The following SLC6A11 variants were observed in gnomAD, a reference collection of about 807,000 sequenced individuals.
The protein encoded by SLC6A11 is solute carrier family 6 member 11.
Under a neutral mutation model 74.8 loss-of-function variants are expected in SLC6A11, and 25 were observed. That is an observed-to-expected ratio of 0.33 (90% CI 0.24 to 0.47). The LOEUF (loss-of-function observed/expected upper bound fraction) is 0.47. Among genes scored for constraint, SLC6A11 ranks in the 20% least tolerant of loss-of-function variants. The pLI, the probability that SLC6A11 is intolerant of heterozygous loss-of-function variation, is 1.00. For missense variants in SLC6A11, 574 were observed against 837.0 expected (o/e 0.69, Z 3.88); for synonymous variants, 330 against 330.2 (o/e 1.00, Z 0.01).
intron 11 of SLC6A11, chr3:10,933,833 G>A: frequency 2.6e-6 from 1 of 384,332 alleles, no homozygotes; most frequent in East Asian, 4.5e-5. Flanking sequence ...ATCATTTCCT[G>A]GGCCTGAGGC....
chr3:10,819,388 A>G (rs1030613754), intron 1 of SLC6A11, 77 bp from the exon 2 acceptor site: 22 of 1,397,144 alleles, frequency 1.6e-5, no homozygotes, highest in Admixed American at 4.3e-5. Context: ...CCTGTAGTAG[A>G]TGTTTATTAA....
At chr3:10,909,346 C>T (rs963723722) in intron 6 of SLC6A11, among the ~76,000 whole-genome samples, 2 of 151,886 alleles carry the variant, frequency 1.3e-5, no homozygotes, top group South Asian at 2.1e-4. Flanking sequence ...TCCATTTCAG[C>T]GTTGATGTGC....
intron 4 of SLC6A11, among the ~76,000 whole-genome samples, chr3:10,837,958 G>A (rs542163331): frequency 6.6e-6 from 1 of 152,358 alleles, no homozygotes; most frequent in East Asian, 1.9e-4. Context: ...TTGGTGATGG[G>A]CCTTTTTTGG....
In SLC6A11 at chr3:10,938,307, G is replaced by T. The variant is rs759607989; in HGVS notation, c.1804G>T (p.Val602Leu). The T allele has an allele frequency of 1.1e-5, 18 of 1,613,010 alleles. No individual in the cohort carries two copies. The highest frequency in any genetic ancestry group is 2.2e-5 in the South Asian group (2 of 90,896). Residue 602 changes from valine (V) to leucine (L), a missense_variant, in exon 14 of 14, where the codon GTG (valine) becomes TTG (leucine). Val to Leu is a conservative substitution (Grantham distance 32, BLOSUM62 1). Coordinates refer to ENST00000254488, the MANE Select transcript of SLC6A11 (RefSeq NM_014229.3). Reference sequence around the variant, plus strand: ...TCTGAAAATGCGGGGCAAGCTTGGGGTGAGCCCACGGATGGTGACAGTTAA... The same window carrying T: ...TCTGAAAATGCGGGGCAAGCTTGGGTTGAGCCCACGGATGGTGACAGTTAA... ...TDLKMRGKLG[V>L]SPRMVTVNDC...
intron 7 of SLC6A11, among the ~76,000 whole-genome samples, chr3:10,917,379 C>T (rs1267275497): frequency 6.6e-6 from 1 of 152,206 alleles, no homozygotes; most frequent in Non-Finnish European, 1.5e-5. Flanking sequence ...GTCAGCCGGC[C>T]ACCCGCAGGG....
At chr3:10,872,592 C>T (rs1001037291) in intron 5 of SLC6A11, among the ~76,000 whole-genome samples, 1 of 152,186 alleles carries the variant, frequency 6.6e-6, no homozygotes, top group African/African-American at 2.4e-5. Context: ...AACTGGAAGT[C>T]GCTTGAAGCA....
At chr3:10,863,490 G>C (rs752059250) in intron 5 of SLC6A11, among the ~76,000 whole-genome samples, 3 of 152,208 alleles carry the variant, frequency 2.0e-5, no homozygotes, top group Non-Finnish European at 4.4e-5. Flanking sequence ...CCAAAAGTCA[G>C]CCACATGCAC....
intron 6 of SLC6A11, among the ~76,000 whole-genome samples, chr3:10,891,689 A>G (rs1695109270): frequency 6.6e-6 from 1 of 152,212 alleles, no homozygotes; most frequent in African/African-American, 2.4e-5. Flanking sequence ...TGGCTCACCC[A>G]AGGCCACAGC....
chr3:10,921,633 A>G (rs1183365944), intron 8 of SLC6A11, among the ~76,000 whole-genome samples: 1 of 152,166 alleles, frequency 6.6e-6, no homozygotes, highest in African/African-American at 2.4e-5. Flanking sequence ...CTTAAATCCA[A>G]CCATATTCTT....
chr3:10,822,284 G>A (rs1030011523), intron 3 of SLC6A11, among the ~76,000 whole-genome samples: 2 of 152,228 alleles, frequency 1.3e-5, no homozygotes, highest in Non-Finnish European at 2.9e-5. Context: ...TGAGGTGAAT[G>A]GATACAGGAG....
At position 10,816,309 on chromosome 3, in the gene SLC6A11, C is replaced by T; in HGVS notation, c.44C>T (p.Ala15Val). 1.4e-6 allele frequency: 2 copies of T among 1,407,976 alleles called. No individual in the cohort carries two copies. The highest frequency in any genetic ancestry group is 6.9e-5 in the Admixed American group (2 of 29,120). The allele number at this position is 1,407,976 out of a possible 1,614,324, so 87.2% of individuals were successfully genotyped here. The change falls in exon 1 of 14, where the codon GCT becomes GTT. Residue 15 changes from alanine to valine, a missense_variant. By Grantham distance (64) the Ala-to-Val change is moderately conservative. Coordinates refer to ENST00000254488, the MANE Select transcript of SLC6A11 (RefSeq NM_014229.3). The surrounding 1 kb of genome is among the most constrained non-coding windows in gnomAD (Gnocchi z 4.2). ...CTGCCCCTGGGCAATGGGAAGGCTGCTGAGGAGGCGCGGGAGTCCGAGGCG... is the reference window on the plus strand; with the variant it reads ...CTGCCCCTGGGCAATGGGAAGGCTGTTGAGGAGGCGCGGGAGTCCGAGGCG... The part of the protein sequence containing the change: ...KALPLGNGKA[A>V]EEARESEAPG...
intron 5 of SLC6A11, among the ~76,000 whole-genome samples, chr3:10,867,843 AAGAC>A (rs1694783827): frequency 6.6e-6 from 1 of 152,190 alleles, no homozygotes; most frequent in Admixed American, 6.5e-5. Flanking sequence ...CTTTTGAACA[AAGAC>A]AGAACACAGC....
At chr3:10,929,122 C>A in intron 9 of SLC6A11, 80 bp from the exon 10 acceptor site, 1 of 1,494,680 alleles carries the variant, frequency 6.7e-7, no homozygotes, top group Non-Finnish European at 9.2e-7. Context: ...AGGGTTCAGG[C>A]CTGCTGCGCT....
At chr3:10,844,763 G>A (rs1361032371) in intron 5 of SLC6A11, among the ~76,000 whole-genome samples, 4 of 152,342 alleles carry the variant, frequency 2.6e-5, no homozygotes, top group Middle Eastern at 3.4e-3. Flanking sequence ...TCTCAGGGGT[G>A]TATTTCTCCC....
intron 9 of SLC6A11, among the ~76,000 whole-genome samples, chr3:10,928,035 T>A (rs1179193895): frequency 6.6e-6 from 1 of 152,174 alleles, no homozygotes; most frequent in African/African-American, 2.4e-5. Flanking sequence ...GTAAATTGCT[T>A]ACTCCCTCCT....
intron 5 of SLC6A11, among the ~76,000 whole-genome samples, chr3:10,862,319 T>A (rs1694711785): frequency 6.6e-6 from 1 of 152,212 alleles, no homozygotes; most frequent in Non-Finnish European, 1.5e-5. Flanking sequence ...TTATGTTGCT[T>A]GGGCTTGTTT....
At chr3:10,866,514 C>G (rs1438577542) in intron 5 of SLC6A11, among the ~76,000 whole-genome samples, 3 of 152,184 alleles carry the variant, frequency 2.0e-5, no homozygotes, top group Non-Finnish European at 1.5e-5. Flanking sequence ...TCAACCCAGC[C>G]CAGGGATAGT....
chr3:10,874,015 ATACCATCCTAT>A (rs1252607939), intron 5 of SLC6A11, among the ~76,000 whole-genome samples: 1 of 152,076 alleles, frequency 6.6e-6, no homozygotes, highest in Non-Finnish European at 1.5e-5. Flanking sequence ...ATGCTATGCT[ATACCATCCTAT>A]CCTATCCTAC....
intron 6 of SLC6A11, among the ~76,000 whole-genome samples, chr3:10,894,308 C>T (rs1012498963): frequency 2.6e-5 from 4 of 152,112 alleles, no homozygotes; most frequent in African/African-American, 4.8e-5. Context: ...GCAATGTGAC[C>T]CTGAAGGCTG....
Sources: gnomAD v4.1 joint callset for allele counts (sites outside exome capture counted in the v4.1 genomes callset) on GRCh38, gnomAD v4.1.1 for gene constraint, Gnocchi (gnomAD v3.1) non-coding constraint, MANE v1.5 for transcripts, NCBI Gene and HGNC (gene_info 2026-07-23, HGNC 2026-07-21) for gene names.